The following C2CD5 variants were observed in gnomAD, a reference collection of about 807,000 sequenced individuals.
C2CD5 encodes C2 domain-containing protein 5.
C2CD5 carries 109 observed loss-of-function variants against 130.3 expected under a neutral mutation model. That is an observed-to-expected ratio of 0.84 (90% CI 0.72 to 0.98). The LOEUF is 0.98. Among genes scored for constraint, C2CD5 ranks in the 50% least tolerant of loss-of-function variants. The pLI, the probability that C2CD5 is intolerant of heterozygous loss-of-function variation, is 0.00. For missense variants in C2CD5, 996 were observed against 1,261.8 expected, an observed-to-expected ratio of 0.79 and a Z score of 3.19; for synonymous variants, 454 against 429.2, an observed-to-expected ratio of 1.06 and a Z score of -0.71.
At chr12:22,495,063 T>C (rs1002406109) in intron 10 of C2CD5, among the ~76,000 whole-genome samples, 1 of 152,108 alleles carries the variant, frequency 6.6e-6, no homozygotes, top group African/African-American at 2.4e-5. Flanking sequence ...ACCATAGAAA[T>C]GTATTTCAGT....
intron 9 of C2CD5, among the ~76,000 whole-genome samples, chr12:22,510,695 T>G (rs1356907467): frequency 4.6e-5 from 7 of 152,236 alleles, no homozygotes; most frequent in Non-Finnish European, 8.8e-5. Context: ...TGTTCCTCAC[T>G]AACAGGTATT....
At chr12:22,452,001 G>A (rs1034101900) in intron 26 of C2CD5, among the ~76,000 whole-genome samples, 7 of 152,086 alleles carry the variant, frequency 4.6e-5, no homozygotes, top group Admixed American at 4.6e-4. Context: ...AGAAAACTGA[G>A]GCATAGAGAT....
intron 25 of C2CD5, among the ~76,000 whole-genome samples, chr12:22,454,680 T>G (rs7957294): frequency 0.016 from 2,493 of 152,114 alleles, 72 homozygotes; most frequent in African/African-American, 0.057. Context: ...AAGTCCATTA[T>G]ATACTCTGAT....
chr12:22,528,503 G>A (rs12307019), intron 3 of C2CD5, among the ~76,000 whole-genome samples: 27,639 of 152,058 alleles, frequency 0.18, 5,233 homozygotes, highest in African/African-American at 0.49. Context: ...CATGGAAGAC[G>A]TACTCACTAT....
intron 3 of C2CD5, among the ~76,000 whole-genome samples, chr12:22,532,767 T>C (rs1347230547): frequency 6.6e-5 from 10 of 152,204 alleles, no homozygotes. Flanking sequence ...TCCCTTGTTC[T>C]CTTTCACTGA....
chr12:22,464,862 G>A (rs1166733748), intron 22 of C2CD5, among the ~76,000 whole-genome samples: 1 of 152,094 alleles, frequency 6.6e-6, no homozygotes, highest in South Asian at 2.1e-4. Flanking sequence ...TTAGTTGGCA[G>A]GAAAAGTAAA....
chr12:22,522,208 T>G (rs1348746399), intron 7 of C2CD5, among the ~76,000 whole-genome samples: 8 of 152,166 alleles, frequency 5.3e-5, no homozygotes, highest in Non-Finnish European at 8.8e-5. Flanking sequence ...ACCCTTGACT[T>G]AGAAGAATCT....
At chr12:22,483,036 TA>T (rs1944952978) in intron 13 of C2CD5, among the ~76,000 whole-genome samples, 1 of 152,016 alleles carries the variant, frequency 6.6e-6, no homozygotes. Flanking sequence ...ACTAAAAGAG[TA>T]TAACAGGACT....
intron 23 of C2CD5, 53 bp from the exon 24 acceptor site, chr12:22,458,638 G>T: frequency 1.4e-6 from 1 of 716,558 alleles, no homozygotes; most frequent in Non-Finnish European, 2.0e-6. Context: ...AAATATGGAT[G>T]ATGTCTCTTA....
At chr12:22,501,604 T>C (rs1044855437) in intron 10 of C2CD5, among the ~76,000 whole-genome samples, 29 of 152,164 alleles carry the variant, frequency 1.9e-4, no homozygotes, top group Non-Finnish European at 3.1e-4. Flanking sequence ...CACTAACAAA[T>C]GATCATTTCA....
chr12:22,544,213 G>C (rs992075089), intron 1 of C2CD5, 34 bp from the exon 2 acceptor site: 32 of 1,534,808 alleles, frequency 2.1e-5, no homozygotes, highest in Non-Finnish European at 2.9e-5. Flanking sequence ...TGCGCCGAGC[G>C]CGGGGCCGGC....
At chr12:22,462,070 G>A (rs1941271621) in intron 22 of C2CD5, among the ~76,000 whole-genome samples, 2 of 152,216 alleles carry the variant, frequency 1.3e-5, no homozygotes, top group South Asian at 4.1e-4. Context: ...TTTCAAAAGA[G>A]AAGGTACTGC....
At chr12:22,533,121 G>A (rs1443806925) in intron 3 of C2CD5, among the ~76,000 whole-genome samples, 1 of 152,146 alleles carries the variant, frequency 6.6e-6, no homozygotes, top group Non-Finnish European at 1.5e-5. Context: ...AACATTGCTG[G>A]CACAGGGAAC....
intron 17 of C2CD5, 40 bp downstream of exon 17, chr12:22,472,704 G>GAA (rs1943228521): frequency 9.2e-7 from 1 of 1,088,166 alleles, no homozygotes; most frequent in Non-Finnish European, 1.4e-6. Flanking sequence ...ACATTTATAT[G>GAA]TAAAACTAGT....
At chr12:22,481,053 C>T (rs1185888796) in intron 14 of C2CD5, among the ~76,000 whole-genome samples, 1 of 152,122 alleles carries the variant, frequency 6.6e-6, no homozygotes, top group Non-Finnish European at 1.5e-5. Context: ...GATCTGCCCA[C>T]CTCAGCCTCT....
intron 9 of C2CD5, among the ~76,000 whole-genome samples, chr12:22,510,398 T>A (rs1949054934): frequency 6.6e-6 from 1 of 152,178 alleles, no homozygotes; most frequent in South Asian, 2.1e-4. Flanking sequence ...GCAGGCAGCA[T>A]AAAAATATTT....
At chr12:22,506,521 G>T (rs1334302364) in intron 10 of C2CD5, among the ~76,000 whole-genome samples, 190 bp downstream of exon 10, 1 of 152,044 alleles carries the variant, frequency 6.6e-6, no homozygotes, top group Non-Finnish European at 1.5e-5. Flanking sequence ...GTTTTTTACA[G>T]AAAAGTAACT....
At chr12:22,494,720 G>C (rs546451283) in intron 10 of C2CD5, among the ~76,000 whole-genome samples, 33 of 152,108 alleles carry the variant, frequency 2.2e-4, no homozygotes, top group African/African-American at 7.7e-4. Flanking sequence ...AAATAAGGAA[G>C]AGAAATAGAA....
chr12:22,492,223 C>T (rs554859386), intron 11 of C2CD5, among the ~76,000 whole-genome samples: 23 of 152,094 alleles, frequency 1.5e-4, no homozygotes, highest in Admixed American at 3.3e-4. Context: ...AATAAGATAA[C>T]AGAAGGTTAA....
Sources: allele counts gnomAD v4.1 joint callset (sites outside exome capture counted in the v4.1 genomes callset), GRCh38; gene constraint gnomAD v4.1.1; transcripts MANE v1.5; gene names NCBI Gene and HGNC (gene_info 2026-07-23, HGNC 2026-07-21).